The following EPG5 variants were observed in gnomAD, a reference collection of about 807,000 sequenced individuals.
EPG5 encodes the protein ectopic P granules protein 5 homolog.
In EPG5, 159 loss-of-function variants were observed where a neutral mutation model predicts 302.7. The ratio of observed to expected loss-of-function variants is 0.53; its 90% CI spans 0.46 to 0.60. The LOEUF is 0.60. Among genes scored for constraint, EPG5 ranks in the 20% least tolerant of loss-of-function variants. EPG5 has a pLI of 0.00. For missense variants in EPG5, 2,896 were observed against 3,092.4 expected (o/e 0.94, Z 1.51); for synonymous variants, 1,158 against 1,136.8 (o/e 1.02, Z -0.37).
At chr18:45,926,417 C>T (rs1162253036) in intron 13 of EPG5, among the ~76,000 whole-genome samples, 1 of 152,134 alleles carries the variant, frequency 6.6e-6, no homozygotes, top group Non-Finnish European at 1.5e-5. Flanking sequence ...TTATACCATA[C>T]TATTCTCATT....
chr18:45,821,636 A>G, the EPG5 span, among the ~76,000 whole-genome samples: 1 of 152,240 alleles, frequency 6.6e-6, no homozygotes, highest in Non-Finnish European at 1.5e-5. Context: ...CCTTCTGCAT[A>G]GCAATGGAAG....
At chr18:45,893,655 T>C (rs2049403644) in intron 27 of EPG5, among the ~76,000 whole-genome samples, 1 of 151,888 alleles carries the variant, frequency 6.6e-6, no homozygotes, top group Admixed American at 6.6e-5. Context: ...ACTGTGAACA[T>C]GGCTGGGAAA....
At chr18:45,943,811 C>G (rs985891967) in intron 8 of EPG5, among the ~76,000 whole-genome samples, 194 bp downstream of exon 8, 4 of 152,026 alleles carry the variant, frequency 2.6e-5, no homozygotes, top group Non-Finnish European at 5.9e-5. Flanking sequence ...GTCCCAGCTA[C>G]TCGGGAGGCT....
the EPG5 span, among the ~76,000 whole-genome samples, chr18:45,817,509 AG>A: frequency 2.0e-5 from 3 of 152,234 alleles, no homozygotes; most frequent in Admixed American, 6.5e-5. Context: ...GGCTGGGCCC[AG>A]GGTATCTCAT....
At chr18:45,866,472 T>C (rs1344262698) in intron 38 of EPG5, among the ~76,000 whole-genome samples, 1 of 152,178 alleles carries the variant, frequency 6.6e-6, no homozygotes, top group Non-Finnish European at 1.5e-5. Context: ...ACTTGCCCTG[T>C]CAAGCCTAAG....
chr18:45,880,441 G>A (rs1437393764), intron 31 of EPG5, among the ~76,000 whole-genome samples: 3 of 152,212 alleles, frequency 2.0e-5, no homozygotes, highest in African/African-American at 4.8e-5. Flanking sequence ...TGGTAACCCT[G>A]CTGGGAGTGA....
the EPG5 span, among the ~76,000 whole-genome samples, chr18:45,805,416 G>A: frequency 1.0e-5 from 1 of 96,150 alleles, no homozygotes; most frequent in African/African-American, 3.7e-5. Context: ...AAAATAAAGA[G>A]CTTCTGTAAA....
intron 1 of EPG5, among the ~76,000 whole-genome samples, chr18:45,961,136 G>C (rs753650049): frequency 6.6e-6 from 1 of 152,018 alleles, no homozygotes; most frequent in Non-Finnish European, 1.5e-5. Flanking sequence ...TGACAATCCT[G>C]GCCCAAGCCA....
rs750614729 is a variant in EPG5 at position 45,904,062 on chromosome 18, G to C, written c.4385C>G (p.Thr1462Ser). 22 of 1,613,104 alleles carry C rather than the reference G, an allele frequency of 1.4e-5. No individual in the cohort carries two copies. Among genetic ancestry groups the C allele is most frequent in the East Asian group, 2.2e-5 (1 of 44,800 alleles). The change falls in exon 25 of 44, where the codon ACT becomes AGT. Residue 1462 changes from threonine (T) to serine (S), a missense_variant. Around this residue, in one of 5 missense-constraint regions of EPG5, gnomAD observed 790 missense variants for 798.0 expected, o/e 0.99. Transcript: ENST00000282041. ...CTTGGCCTGTGTCCACAGACCAACA[G>C]TCTCCTGAAACTCATGATAGATGCG... ...MERIYHEFQE[T>S]VGLWTQAKLE...
At chr18:45,959,173 C>A (rs12605283) in intron 1 of EPG5, among the ~76,000 whole-genome samples, 1 of 152,180 alleles carries the variant, frequency 6.6e-6, no homozygotes, top group Admixed American at 6.5e-5. Context: ...CAAGGTGAAC[C>A]CCTTGGGCAG....
chr18:45,942,381 T>A (rs2050687730), intron 9 of EPG5, among the ~76,000 whole-genome samples: 1 of 152,138 alleles, frequency 6.6e-6, no homozygotes, highest in South Asian at 2.1e-4. Flanking sequence ...GGCAGATGGA[T>A]CACTTGAGTC....
At chr18:45,836,966 C>T in the EPG5 span, 1 of 889,846 alleles carries the variant, frequency 1.1e-6, no homozygotes, top group South Asian at 1.3e-5. Flanking sequence ...ACTTCAGTTA[C>T]TCAACTTCTC....
At chr18:45,821,902 A>G in the EPG5 span, among the ~76,000 whole-genome samples, 2 of 152,238 alleles carry the variant, frequency 1.3e-5, no homozygotes, top group Admixed American at 6.5e-5. Flanking sequence ...CAAAACCACA[A>G]TGAGATATCA....
chr18:45,808,367 A>T, the EPG5 span, among the ~76,000 whole-genome samples: 1 of 152,174 alleles, frequency 6.6e-6, no homozygotes. Flanking sequence ...CAAATACAAG[A>T]AACACAAAAA....
chr18:45,892,524 C>A (rs2049376129), intron 27 of EPG5, among the ~76,000 whole-genome samples: 1 of 152,142 alleles, frequency 6.6e-6, no homozygotes, highest in Non-Finnish European at 1.5e-5. Context: ...TCGTTCATTT[C>A]TTGGAATTAA....
chr18:45,809,253 A>G, the EPG5 span, among the ~76,000 whole-genome samples: 2 of 152,198 alleles, frequency 1.3e-5, no homozygotes, highest in African/African-American at 2.4e-5. Flanking sequence ...AAAGTGAGAT[A>G]GACAGCAACA....
At chr18:45,955,433 A>G (rs984316056) in intron 1 of EPG5, 95 bp from the exon 2 acceptor site, 10 of 861,570 alleles carry the variant, frequency 1.2e-5, no homozygotes, top group South Asian at 5.8e-5. Context: ...TCTAAATTTC[A>G]TCATGTAACA....
intron 9 of EPG5, among the ~76,000 whole-genome samples, chr18:45,940,801 G>T (rs1012327623): frequency 2.6e-5 from 4 of 151,788 alleles, no homozygotes; most frequent in Non-Finnish European, 4.4e-5. Context: ...TGAATGTGGG[G>T]TATAAAAGAA....
At chr18:45,810,254 G>C in the EPG5 span, among the ~76,000 whole-genome samples, 1 of 152,108 alleles carries the variant, frequency 6.6e-6, no homozygotes, top group Non-Finnish European at 1.5e-5. Flanking sequence ...GCCAGGACCA[G>C]ACGGATTCAC....
Sources: gnomAD v4.1 joint callset for allele counts (sites outside exome capture counted in the v4.1 genomes callset) on GRCh38, gnomAD v4.1.1 for gene constraint, gnomAD v4.1.1 regional missense constraint, MANE v1.5 for transcripts, NCBI Gene and HGNC (gene_info 2026-07-23, HGNC 2026-07-21) for gene names.